STAG1: variants seen among roughly 807,000 people sequenced by gnomAD.
The protein encoded by STAG1 is STAG1 cohesin complex component.
STAG1 carries 26 observed loss-of-function variants against 170.9 expected under a neutral mutation model. The observed-to-expected ratio is 0.15, with a 90% CI of 0.11 to 0.21. STAG1 has a LOEUF of 0.21. Ranked by LOEUF, STAG1 falls within the 10% of genes least tolerant of loss-of-function variation. STAG1 has a pLI of 1.00. For missense variants in STAG1, 964 were observed against 1,509.5 expected (o/e 0.64, Z 5.99); for synonymous variants, 514 against 497.7 (o/e 1.03, Z -0.44).
chr3:136,578,844 G>A (rs1270197727), intron 4 of STAG1, among the ~76,000 whole-genome samples: 1 of 152,088 alleles, frequency 6.6e-6, no homozygotes, highest in African/African-American at 2.4e-5. Flanking sequence ...TGTGTAATTG[G>A]AAAAGACATA....
chr3:136,405,732 T>G (rs1368006245), intron 21 of STAG1, among the ~76,000 whole-genome samples: 1 of 138,956 alleles, frequency 7.2e-6, no homozygotes. Flanking sequence ...GGCAGGTGTC[T>G]GTAATCCCAG....
At chr3:136,413,543 C>A (rs1231049065) in intron 21 of STAG1, among the ~76,000 whole-genome samples, 1 of 152,074 alleles carries the variant, frequency 6.6e-6, no homozygotes, top group African/African-American at 2.4e-5. Context: ...ACCGCAACCT[C>A]TGCCTCCCAG....
chr3:136,461,843 C>A (rs912176453), intron 13 of STAG1, among the ~76,000 whole-genome samples: 1 of 151,946 alleles, frequency 6.6e-6, no homozygotes. Flanking sequence ...CTCAAACAAC[C>A]CCTTAGCAAA....
intron 1 of STAG1, among the ~76,000 whole-genome samples, chr3:136,739,125 C>T (rs1934513078): frequency 6.6e-6 from 1 of 152,080 alleles, no homozygotes; most frequent in Non-Finnish European, 1.5e-5. Flanking sequence ...GAAAAATGGC[C>T]TTTTAAGAAA....
chr3:136,657,813 T>C (rs1382308039), intron 1 of STAG1, among the ~76,000 whole-genome samples: 5 of 152,036 alleles, frequency 3.3e-5, no homozygotes, highest in African/African-American at 9.7e-5. Flanking sequence ...CATAGCAAGT[T>C]GCTGTCTCAA....
At chr3:136,540,306 G>A (rs1477951028) in intron 6 of STAG1, among the ~76,000 whole-genome samples, 1 of 147,546 alleles carries the variant, frequency 6.8e-6, no homozygotes, top group Non-Finnish European at 1.5e-5. Context: ...ATCAAACTGT[G>A]TTACTTTACT....
chr3:136,602,483 T>C (rs1232648621), intron 4 of STAG1, among the ~76,000 whole-genome samples: 1 of 152,110 alleles, frequency 6.6e-6, no homozygotes, highest in Non-Finnish European at 1.5e-5. Flanking sequence ...CTTGTATTTC[T>C]ACCTAAAGGT....
rs113457654 is a variant in STAG1 at position 136,342,850 on chromosome 3, G to T, written c.3446+982C>A. Among the ~76,000 whole-genome samples the T allele has an allele frequency of 5.0e-3, 758 of 152,300 alleles. 5 individuals are homozygous for T. Among genetic ancestry groups the T allele is most frequent in the Middle Eastern group, 0.014 (4 of 294 alleles). On this transcript the variant is annotated intron_variant, in intron 30 of 33. Transcript: ENST00000383202. Reference sequence around the variant, plus strand: ...GGGCAAGGCAGGCTGCTAAAACAAGGAGAAACCCACCCTGTAGGAAGAGGG... The same window carrying T: ...GGGCAAGGCAGGCTGCTAAAACAAGTAGAAACCCACCCTGTAGGAAGAGGG...
intron 5 of STAG1, among the ~76,000 whole-genome samples, chr3:136,552,454 C>A (rs1485220321): frequency 6.6e-6 from 1 of 152,020 alleles, no homozygotes; most frequent in African/African-American, 2.4e-5. Flanking sequence ...ATATAAACAG[C>A]ATTTTGAAAG....
At chr3:136,720,281 T>A (rs1251154404) in intron 1 of STAG1, among the ~76,000 whole-genome samples, 2 of 150,750 alleles carry the variant, frequency 1.3e-5, no homozygotes, top group South Asian at 2.1e-4. Context: ...ATACATAAAA[T>A]CCAAAATAGG....
chr3:136,381,007 G>A (rs1470276167), intron 22 of STAG1, among the ~76,000 whole-genome samples: 4 of 135,256 alleles, frequency 3.0e-5, no homozygotes, highest in Non-Finnish European at 6.1e-5. Flanking sequence ...CTGGGAGACA[G>A]AGTAAGACCC....
chr3:136,419,707 C>T (rs1349619227), intron 20 of STAG1, among the ~76,000 whole-genome samples: 1 of 151,336 alleles, frequency 6.6e-6, no homozygotes, highest in African/African-American at 2.4e-5. Context: ...AAGTGATCCA[C>T]CTATCTCAAC....
At chr3:136,628,475 G>C (rs970357167) in intron 2 of STAG1, among the ~76,000 whole-genome samples, 2 of 152,058 alleles carry the variant, frequency 1.3e-5, no homozygotes, top group African/African-American at 2.4e-5. Context: ...AAAAAGGGGT[G>C]GGGGGAGGCT....
chr3:136,486,957 C>T (rs1031932230), intron 9 of STAG1, among the ~76,000 whole-genome samples: 4 of 123,924 alleles, frequency 3.2e-5, no homozygotes, highest in African/African-American at 1.3e-4. Flanking sequence ...GTTCTCAGAA[C>T]ACAGGTTCTC....
At chr3:136,555,649 A>G (rs532901306) in intron 5 of STAG1, among the ~76,000 whole-genome samples, 10 of 151,918 alleles carry the variant, frequency 6.6e-5, no homozygotes, top group Non-Finnish European at 1.3e-4. Context: ...GTGGCACTGT[A>G]CTCCAGCCTG....
In STAG1 at chr3:136,452,049, A is replaced by G; in HGVS notation, c.1412T>C (p.Phe471Ser). 1 of 1,607,658 alleles carries G rather than the reference A, an allele frequency of 6.2e-7. No individual in the cohort carries two copies. The highest frequency in any genetic ancestry group is 1.1e-5 in the South Asian group (1 of 89,116). ...NGNLIRMLVLFFLESELHEHA... is the reference protein window; with the variant it reads ...NGNLIRMLVLSFLESELHEHA... ...ATTTTTTACCTCACTTTCAAGAAAG[A>G]AAAGAACCAGCATCCTAATGAGGTT... The change falls in exon 14 of 34, where the codon TTC (phenylalanine) becomes TCC (serine). Residue 471 changes from phenylalanine to serine, a missense_variant. Around this residue, in one of 11 missense-constraint regions of STAG1, gnomAD observed 162 missense variants for 211.2 expected, o/e 0.77. Transcript: ENST00000383202.
chr3:136,622,839 G>C (rs547663515), intron 3 of STAG1, among the ~76,000 whole-genome samples: 15 of 152,284 alleles, frequency 9.9e-5, no homozygotes, highest in African/African-American at 3.6e-4. Flanking sequence ...TAAGAAATCA[G>C]AGTTGCATCT....
intron 1 of STAG1, among the ~76,000 whole-genome samples, chr3:136,649,725 G>A (rs1174650372): frequency 6.6e-6 from 1 of 151,634 alleles, no homozygotes; most frequent in East Asian, 1.9e-4. Context: ...AGAGCAGCTT[G>A]GACAACATAG....
chr3:136,691,492 C>A (rs769272493), intron 1 of STAG1, among the ~76,000 whole-genome samples: 3 of 151,684 alleles, frequency 2.0e-5, no homozygotes, highest in Non-Finnish European at 4.4e-5. Context: ...TACTGGGGAG[C>A]CTGAGGTAAG....
Sources: gnomAD v4.1 joint callset for allele counts (sites outside exome capture counted in the v4.1 genomes callset) on GRCh38, gnomAD v4.1.1 for gene constraint, gnomAD v4.1.1 regional missense constraint, MANE v1.5 for transcripts, NCBI Gene and HGNC (gene_info 2026-07-23, HGNC 2026-07-21) for gene names.